Variants in GATA4 observed in about 807,000 individuals in gnomAD.
GATA4 encodes the protein GATA binding protein 4.
Under a neutral mutation model 37.9 loss-of-function variants are expected in GATA4, and 7 were observed. The ratio of observed to expected loss-of-function variants is 0.18; its 90% CI spans 0.11 to 0.35. GATA4 has a LOEUF of 0.35. GATA4 is among the 10% of genes least tolerant of loss of function. GATA4 has a pLI of 1.00. For missense variants in GATA4, 647 were observed against 653.0 expected, an observed-to-expected ratio of 0.99 and a Z score of 0.10; for synonymous variants, 372 against 292.6, an observed-to-expected ratio of 1.27 and a Z score of -2.77.
chr8:11,727,285 C>T (rs914785240), intron 2 of GATA4, among the ~76,000 whole-genome samples: 4 of 152,046 alleles, frequency 2.6e-5, no homozygotes, highest in Admixed American at 2.0e-4. Flanking sequence ...ATAATGGGGA[C>T]CCTTTCCCCA....
intron 2 of GATA4, among the ~76,000 whole-genome samples, chr8:11,740,977 A>C (rs1297713026): frequency 6.6e-6 from 1 of 151,994 alleles, no homozygotes; most frequent in Non-Finnish European, 1.5e-5. Context: ...CAAGTGTTCC[A>C]TCCGCTTCGG....
intron 1 of GATA4, among the ~76,000 whole-genome samples, chr8:11,678,226 A>T (rs1470729895): frequency 6.6e-6 from 1 of 152,026 alleles, no homozygotes; most frequent in Non-Finnish European, 1.5e-5. Context: ...CCTCAGGAGG[A>T]CCCAGCAAGC....
upstream of GATA4, among the ~76,000 whole-genome samples, chr8:11,701,600 G>A (rs1203989064): frequency 6.6e-6 from 1 of 152,322 alleles, no homozygotes; most frequent in East Asian, 1.9e-4. Flanking sequence ...CGAGCGGAGA[G>A]CGAAGGAGGA....
rs1411266373 is a variant in GATA4 at position 11,748,944 on chromosome 8, C to T, written c.645C>T (p.Gly215=). The change falls in exon 3 of 7, where the codon GGC becomes GGT. Residue 215 remains glycine, a synonymous_variant. Transcript: ENST00000532059. ...ATATGTTTGACGACTTCTCAGAAGG[C>T]AGAGAGTGTGTCAACTGTGGGGCTA... is the stretch of plus-strand genomic sequence containing the variant. The part of the protein sequence containing the change: ...LVDMFDDFSE[G]RECVNCGAMS... 8 of 1,614,100 alleles carry T rather than the reference C, an allele frequency of 5.0e-6. No homozygotes were observed. Among genetic ancestry groups the T allele is most frequent in the Non-Finnish European group, 5.1e-6 (6 of 1,180,038 alleles).
Position 11,718,915 on chromosome 8 carries a change from C to G in GATA4, c.616+9987C>G, listed in dbSNP as rs920245345. ...CCCCTCGGGACCATGCCAGGAGGCG[C>G]TCATTGACCCATTCCGAGCAGGTGT... On this transcript the variant is annotated intron_variant, in intron 2 of 6. Coordinates refer to ENST00000532059, the MANE Select transcript of GATA4 (RefSeq NM_001308093.3). Among the ~76,000 whole-genome samples the G allele has an allele frequency of 9.2e-5, 14 of 152,368 alleles. 1 individual carries two copies. The Middle Eastern group carries it at 0.014, about 148-fold the overall frequency.
At position 11,750,120 on chromosome 8, in the gene GATA4, C is replaced by G; in HGVS notation, c.796C>G (p.Arg266Gly). Residue 266 changes from arginine (R) to glycine (G), a missense_variant, in exon 4 of 7, where the codon CGC becomes GGC. Around this residue, in one of 5 missense-constraint regions of GATA4, gnomAD observed 56 missense variants for 64.5 expected, o/e 0.87. Transcript: ENST00000532059. ...GTTTCCTGTCTTGCAGTCCGCCTCC[C>G]GCCGAGTGGGCCTCTCCTGTGCCAA... ...IKPQRRLSAS[R>G]RVGLSCANCQ... The G allele has an allele frequency of 6.2e-7, 1 of 1,614,150 alleles. No individual in the cohort carries two copies. The highest frequency in any genetic ancestry group is 2.2e-5 in the East Asian group (1 of 44,894).
chr8:11,681,328 C>T, intron 1 of GATA4: 4 of 985,402 alleles, frequency 4.1e-6, no homozygotes, highest in Non-Finnish European at 3.6e-6. Context: ...TCTCGACCTG[C>T]GCCCCAACCC....
At chr8:11,684,753 T>C (rs1585549526) in intron 1 of GATA4, among the ~76,000 whole-genome samples, 1 of 152,358 alleles carries the variant, frequency 6.6e-6, no homozygotes, top group African/African-American at 2.4e-5. Context: ...GTTCTCCTTG[T>C]TTTTGTTTGG....
chr8:11,742,637 C>T (rs541373017), intron 2 of GATA4, among the ~76,000 whole-genome samples: 28 of 152,312 alleles, frequency 1.8e-4, no homozygotes, highest in Non-Finnish European at 3.2e-4. Flanking sequence ...CATCCCCGGC[C>T]GGAGCGCCGC....
intron 2 of GATA4, among the ~76,000 whole-genome samples, chr8:11,713,429 C>A (rs1041673407): frequency 6.6e-6 from 1 of 151,978 alleles, no homozygotes; most frequent in African/African-American, 2.4e-5. Context: ...CCCCAGGACT[C>A]TGCCCTGCCT....
rs993340747 is a variant in GATA4, at chr8:11,709,687, A to C, written c.616+759A>C. Among the ~76,000 whole-genome samples the C allele has an allele frequency of 6.6e-6, 1 of 151,338 alleles. No homozygotes were observed. The highest frequency in any genetic ancestry group is 1.5e-5 in the Non-Finnish European group (1 of 67,846). On this transcript the variant is annotated intron_variant, in intron 2 of 6. Coordinates refer to ENST00000532059, the MANE Select transcript of GATA4 (RefSeq NM_001308093.3). The surrounding 1 kb of genome is among the most constrained non-coding windows in gnomAD (Gnocchi z 4.3). ...ACTTTGCAGTCGCTTGCACGCGTGG[A>C]GCCTCCTCTTCTCGCGTGGGCCAGG...
intron 1 of GATA4, among the ~76,000 whole-genome samples, chr8:11,693,619 G>A (rs1039075248): frequency 1.4e-4 from 20 of 147,742 alleles, no homozygotes; most frequent in African/African-American, 5.1e-4. Flanking sequence ...CAGCACAACC[G>A]GTGCATTTCA....
At chr8:11,752,434 G>A (rs1020571712) in intron 4 of GATA4, among the ~76,000 whole-genome samples, 1 of 152,216 alleles carries the variant, frequency 6.6e-6, no homozygotes, top group African/African-American at 2.4e-5. Flanking sequence ...AAGAGAGAAT[G>A]AGAGCCAAGC....
At chr8:11,682,724 G>A (rs1799010374) in intron 1 of GATA4, among the ~76,000 whole-genome samples, 1 of 152,232 alleles carries the variant, frequency 6.6e-6, no homozygotes, top group African/African-American at 2.4e-5. Context: ...TGCAATGATT[G>A]CAGAACAACA....
chr8:11,686,992 C>T (rs1440346119), intron 1 of GATA4, among the ~76,000 whole-genome samples: 2 of 148,696 alleles, frequency 1.3e-5, no homozygotes, highest in East Asian at 1.9e-4. Context: ...AGTGAGAATC[C>T]GTTTCAAAAA....
chr8:11,722,714 C>T (rs150187161), intron 2 of GATA4, among the ~76,000 whole-genome samples: 21 of 152,272 alleles, frequency 1.4e-4, no homozygotes, highest in Admixed American at 5.2e-4. Context: ...TCATGTAAGT[C>T]TGTGATGGGA....
At chr8:11,734,495 CTTTTT>C (rs759816221) in intron 2 of GATA4, among the ~76,000 whole-genome samples, 1 of 150,422 alleles carries the variant, frequency 6.6e-6, no homozygotes. Flanking sequence ...CTTTTCTTTT[CTTTTT>C]TTTGAGGCAG....
At chr8:11,743,171 C>G (rs1193748186) in intron 2 of GATA4, among the ~76,000 whole-genome samples, 1 of 152,270 alleles carries the variant, frequency 6.6e-6, no homozygotes, top group Non-Finnish European at 1.5e-5. Flanking sequence ...CCCAGGCCCA[C>G]TGCCGTTTGT....
upstream of GATA4, among the ~76,000 whole-genome samples, chr8:11,703,309 G>A (rs1799748880): frequency 6.6e-6 from 1 of 152,114 alleles, no homozygotes; most frequent in African/African-American, 2.4e-5. Context: ...TTAACCTTTA[G>A]ACCTGTCTGA....
Sources: gnomAD v4.1 joint callset for allele counts (sites outside exome capture counted in the v4.1 genomes callset) on GRCh38, gnomAD v4.1.1 for gene constraint, gnomAD v4.1.1 regional missense constraint, Gnocchi (gnomAD v3.1) non-coding constraint, MANE v1.5 for transcripts, NCBI Gene and HGNC (gene_info 2026-07-23, HGNC 2026-07-21) for gene names.